The following INPP5A variants were observed in gnomAD, a reference collection of about 807,000 sequenced individuals.
INPP5A encodes inositol polyphosphate-5-phosphatase A.
A neutral mutation model predicts 65.2 loss-of-function variants in INPP5A; 14 were observed. The observed-to-expected ratio is 0.21, with a 90% CI of 0.14 to 0.34. The LOEUF (loss-of-function observed/expected upper bound fraction) is 0.34. Among genes scored for constraint, INPP5A ranks in the 10% least tolerant of loss-of-function variants. The pLI, the probability that INPP5A is intolerant of heterozygous loss-of-function variation, is 1.00. For missense variants in INPP5A, 431 were observed against 545.6 expected (o/e 0.79, Z 2.09); for synonymous variants, 207 against 208.3 (o/e 0.99, Z 0.05).
chr10:132,686,052 G>A (rs1244639957), intron 4 of INPP5A, among the ~76,000 whole-genome samples: 1 of 152,238 alleles, frequency 6.6e-6, no homozygotes, highest in Non-Finnish European at 1.5e-5. Flanking sequence ...CCTGATGGTG[G>A]TGACTGGGAG....
At chr10:132,688,588 T>G (rs1485616264) in intron 4 of INPP5A, among the ~76,000 whole-genome samples, 1 of 152,138 alleles carries the variant, frequency 6.6e-6, no homozygotes, top group Non-Finnish European at 1.5e-5. Flanking sequence ...AAAGCAAGAG[T>G]GCATGAGTGC....
chr10:132,580,897 T>C (rs770041087), intron 1 of INPP5A, among the ~76,000 whole-genome samples: 1 of 152,228 alleles, frequency 6.6e-6, no homozygotes, highest in Admixed American at 6.5e-5. Flanking sequence ...GTTTTTCTTT[T>C]GACATAAAAA....
At chr10:132,626,090 C>T (rs900702170) in intron 2 of INPP5A, among the ~76,000 whole-genome samples, 2 of 149,770 alleles carry the variant, frequency 1.3e-5, no homozygotes, top group African/African-American at 2.6e-5. Flanking sequence ...GAACGTCACA[C>T]GCTGAGACCC....
chr10:132,620,378 T>TA (rs1476747342), intron 2 of INPP5A, among the ~76,000 whole-genome samples: 4 of 152,232 alleles, frequency 2.6e-5, no homozygotes, highest in Non-Finnish European at 4.4e-5. Context: ...GCTTCCCTTT[T>TA]AAATGTAAGT....
At chr10:132,742,883 A>G (rs1846299703) in intron 9 of INPP5A, among the ~76,000 whole-genome samples, 1 of 152,150 alleles carries the variant, frequency 6.6e-6, no homozygotes, top group South Asian at 2.1e-4. Flanking sequence ...CATTGTTTTT[A>G]AGACCATTTC....
intron 12 of INPP5A, among the ~76,000 whole-genome samples, chr10:132,770,279 C>T (rs1257314311): frequency 1.3e-5 from 2 of 152,246 alleles, no homozygotes; most frequent in Admixed American, 6.5e-5. Flanking sequence ...GCCGAACGCT[C>T]CCAAGTCACC....
chr10:132,770,760 G>A (rs1420300217), intron 12 of INPP5A, among the ~76,000 whole-genome samples: 1 of 152,264 alleles, frequency 6.6e-6, no homozygotes, highest in Non-Finnish European at 1.5e-5. Flanking sequence ...TGCACGGGGA[G>A]GTCTCCTTCC....
At chr10:132,591,101 G>A (rs749531524) in intron 1 of INPP5A, among the ~76,000 whole-genome samples, 6 of 152,264 alleles carry the variant, frequency 3.9e-5, no homozygotes, top group East Asian at 1.9e-4. Context: ...TCCTTTGCCC[G>A]TTTTTCCATC....
chr10:132,780,642 C>T (rs931064109), intron 13 of INPP5A, among the ~76,000 whole-genome samples: 4 of 152,262 alleles, frequency 2.6e-5, no homozygotes, highest in Non-Finnish European at 5.9e-5. Flanking sequence ...TGAGGCGCTG[C>T]CACATCACCA....
Position 132,650,742 on chromosome 10 carries a change from C to G in INPP5A, c.306+237C>G, listed in dbSNP as rs538170867. 2.0e-4 allele frequency among the ~76,000 whole-genome samples: 31 copies of G among 152,262 alleles called. No homozygotes were observed. Among genetic ancestry groups the G allele is most frequent in the African/African-American group, 7.2e-4 (30 of 41,538 alleles). ...CAGGGTCTTGGGGCTCCAGACCAAG[C>G]CCAAGAGGGAATTGGGGAGTGACAG... is the stretch of plus-strand genomic sequence containing the variant. On this transcript the variant is annotated intron_variant, in intron 4 of 15. Coordinates refer to ENST00000368594, the MANE Select transcript of INPP5A (RefSeq NM_005539.5). This position sits in a 1 kb window ranked among gnomAD's most constrained non-coding sequence, Gnocchi z 5.5.
At chr10:132,714,018 A>G (rs1845695920) in intron 8 of INPP5A, among the ~76,000 whole-genome samples, 1 of 151,978 alleles carries the variant, frequency 6.6e-6, no homozygotes, top group Non-Finnish European at 1.5e-5. Flanking sequence ...CTCGGCTTGC[A>G]GGCACCAAGC....
At chr10:132,703,562 C>T (rs1845474659) in intron 6 of INPP5A, among the ~76,000 whole-genome samples, 1 of 150,768 alleles carries the variant, frequency 6.6e-6, no homozygotes, top group East Asian at 2.0e-4. Flanking sequence ...TTCACCCACA[C>T]ACACACGTGG....
intron 1 of INPP5A, among the ~76,000 whole-genome samples, chr10:132,599,430 C>A (rs2071748924): frequency 6.6e-6 from 1 of 152,256 alleles, no homozygotes; most frequent in Admixed American, 6.5e-5. Context: ...CACACTGTTG[C>A]AAGAGGTGTG....
chr10:132,645,921 A>C lies in INPP5A; in HGVS notation c.171A>C (p.Gly57=), dbSNP rs1266882827. ...HFMALHCQEF[G]GKNYEASMSH... ...TGGCCTTGCACTGTCAGGAGTTTGGAGGGAAGAACTACGAGGCCTCCATGT... is the reference window on the plus strand; with the variant it reads ...TGGCCTTGCACTGTCAGGAGTTTGGCGGGAAGAACTACGAGGCCTCCATGT... Residue 57 remains glycine (G), a synonymous_variant, in exon 3 of 16, where the codon GGA becomes GGC. Coordinates refer to ENST00000368594, the MANE Select transcript of INPP5A (RefSeq NM_005539.5). 2 of 1,614,070 alleles carry C rather than the reference A, an allele frequency of 1.2e-6. No homozygotes were observed. The highest frequency in any genetic ancestry group is 1.7e-6 in the Non-Finnish European group (2 of 1,179,980).
intron 5 of INPP5A, among the ~76,000 whole-genome samples, chr10:132,691,813 C>T (rs543197097): frequency 2.7e-5 from 4 of 150,750 alleles, no homozygotes; most frequent in Admixed American, 6.6e-5. Context: ...GGGAGACGTG[C>T]GGTCGCGGGA....
chr10:132,540,392 A>T (rs2070892464), intron 1 of INPP5A, among the ~76,000 whole-genome samples: 1 of 152,248 alleles, frequency 6.6e-6, no homozygotes, highest in South Asian at 2.1e-4. Flanking sequence ...GTTTATGTTT[A>T]GAAGGAACAT....
At position 132,587,825 on chromosome 10, in the gene INPP5A, A is replaced by G. The variant is rs536951060; in HGVS notation, c.76-20090A>G. Among the ~76,000 whole-genome samples, 1 of 151,820 alleles carries G rather than the reference A, an allele frequency of 6.6e-6. No individual in the cohort carries two copies. Among genetic ancestry groups the G allele is most frequent in the African/African-American group, 2.4e-5 (1 of 41,392 alleles). ...CAGGAATTCGTGACTAGCCTGACCA[A>G]CATGGTGAAATCCCGTCTCTACTAA... On this transcript the variant is annotated intron_variant, in intron 1 of 15. Transcript: ENST00000368594. This position sits in a 1 kb window ranked among gnomAD's most constrained non-coding sequence, Gnocchi z 4.3.
chr10:132,688,660 AGT>A lies in INPP5A; in HGVS notation c.307-1728_307-1727del, dbSNP rs530874853. On this transcript the variant is annotated intron_variant, in intron 4 of 15. Coordinates refer to ENST00000368594, the MANE Select transcript of INPP5A (RefSeq NM_005539.5). Reference sequence around the variant, plus strand: ...GTGTGCATGAGTGTGTGTGCAAGTGAGTGTGAACAAGTGTGTGCGTGTGCATG... The same window carrying A: ...GTGTGCATGAGTGTGTGTGCAAGTGAGTGAACAAGTGTGTGCGTGTGCATG... Among the ~76,000 whole-genome samples the A allele has an allele frequency of 1.1e-4, 16 of 149,020 alleles. No homozygotes were observed. The South Asian group carries it at 2.3e-3, about 22-fold the overall frequency.
At chr10:132,750,743 G>T (rs998847114) in intron 11 of INPP5A, among the ~76,000 whole-genome samples, 1 of 152,192 alleles carries the variant, frequency 6.6e-6, no homozygotes, top group Non-Finnish European at 1.5e-5. Context: ...CAGCATCCAA[G>T]ATCTGGAAAC....
Sources: allele counts gnomAD v4.1 joint callset (sites outside exome capture counted in the v4.1 genomes callset), GRCh38; gene constraint gnomAD v4.1.1; non-coding constraint Gnocchi (gnomAD v3.1); transcripts MANE v1.5; gene names NCBI Gene and HGNC (gene_info 2026-07-23, HGNC 2026-07-21).